Variants in COL16A1 observed in about 807,000 individuals in gnomAD.
COL16A1 encodes collagen type XVI alpha 1 chain.
Under a neutral mutation model 266.3 loss-of-function variants are expected in COL16A1, and 189 were observed. The ratio of observed to expected loss-of-function variants is 0.71; its 90% CI spans 0.63 to 0.80. The LOEUF (loss-of-function observed/expected upper bound fraction) is 0.80, where lower values mean the gene tolerates loss of function less well. Among genes scored for constraint, COL16A1 ranks in the 30% least tolerant of loss-of-function variants. The pLI, the probability that COL16A1 is intolerant of heterozygous loss-of-function variation, is 0.00. For synonymous variants in COL16A1, 740 were observed against 782.3 expected (o/e 0.95, Z 0.90); for missense variants, 1,928 against 2,122.4 (o/e 0.91, Z 1.80).
intron 68 of COL16A1, among the ~76,000 whole-genome samples, chr1:31,654,436 A>G (rs1640917892): frequency 6.6e-6 from 1 of 151,096 alleles, no homozygotes; most frequent in South Asian, 2.1e-4. Flanking sequence ...TGAACAAATG[A>G]ACAGAAAAAA....
At chr1:31,666,448 G>A in intron 52 of COL16A1, 1 of 292,302 alleles carries the variant, frequency 3.4e-6, no homozygotes, top group Non-Finnish European at 6.4e-6. Context: ...CCTGTGATCT[G>A]GCACCAGCCA....
intron 68 of COL16A1, 42 bp downstream of exon 68, chr1:31,654,749 AG>A (rs1640954701): frequency 2.5e-6 from 4 of 1,613,558 alleles, no homozygotes; most frequent in Non-Finnish European, 3.4e-6. Context: ...GTCACAAGGA[AG>A]GGCAGACAGC....
chr1:31,673,109 G>A (rs1057238854), intron 44 of COL16A1: 2 of 523,210 alleles, frequency 3.8e-6, no homozygotes, highest in Admixed American at 5.8e-5. Context: ...CATGTGGGTG[G>A]AGGCGAGGGG....
Position 31,695,745 on chromosome 1 carries a change from C to T in COL16A1, c.945+16G>A, listed in dbSNP as rs1037215989. On this transcript the variant is annotated intron_variant, in intron 10 of 70. Coordinates refer to ENST00000373672, the MANE Select transcript of COL16A1 (RefSeq NM_001856.4). ...TGCTGGCACCTCCCCTGCTGCCAGTCCACTGGGAGGCTTACCTCATCGGCT... is the reference window on the plus strand; with the variant it reads ...TGCTGGCACCTCCCCTGCTGCCAGTTCACTGGGAGGCTTACCTCATCGGCT... 1 of 1,613,322 alleles carries T rather than the reference C, an allele frequency of 6.2e-7. No homozygotes were observed. The highest frequency in any genetic ancestry group is 1.3e-5 in the African/African-American group (1 of 74,882).
intron 26 of COL16A1, among the ~76,000 whole-genome samples, chr1:31,686,789 A>G (rs1054399180): frequency 7.9e-5 from 12 of 152,274 alleles, no homozygotes; most frequent in African/African-American, 2.7e-4. Flanking sequence ...GAATAAGGTC[A>G]TCCAATGAAA....
At chr1:31,692,434 A>G in intron 16 of COL16A1, 40 bp downstream of exon 16, 1 of 1,592,332 alleles carries the variant, frequency 6.3e-7, no homozygotes. Flanking sequence ...GAGCCTGCAG[A>G]CCTCCCTGGA....
chr1:31,665,073 T>C (rs1642011202), intron 56 of COL16A1, 99 bp downstream of exon 56: 3 of 1,532,294 alleles, frequency 2.0e-6, no homozygotes, highest in Non-Finnish European at 1.8e-6. Flanking sequence ...ACTGGGTCAG[T>C]CTTGGAATTT....
intron 42 of COL16A1, chr1:31,679,361 G>A: frequency 5.4e-6 from 8 of 1,480,246 alleles, no homozygotes; most frequent in Admixed American, 2.2e-5. Context: ...TCTGTACCAG[G>A]GTAAGGGATT....
chr1:31,700,573 A>G (rs1242968963), intron 2 of COL16A1, among the ~76,000 whole-genome samples: 1 of 152,228 alleles, frequency 6.6e-6, no homozygotes, highest in African/African-American at 2.4e-5. Context: ...AAATGTCAGA[A>G]TCATGCACAT....
intron 49 of COL16A1, among the ~76,000 whole-genome samples, chr1:31,669,618 A>G (rs933656357): frequency 6.6e-6 from 1 of 151,830 alleles, no homozygotes; most frequent in Non-Finnish European, 1.5e-5. Context: ...AGAAACAGAC[A>G]AGGCCCGGCC....
In COL16A1 at chr1:31,657,085, A is replaced by C; in HGVS notation, c.4021-17T>G. 6.2e-7 allele frequency: 1 copy of C among 1,614,196 alleles called. No homozygotes were observed. Among genetic ancestry groups the C allele is most frequent in the Non-Finnish European group, 8.5e-7 (1 of 1,180,026 alleles). ...AGGTTCGCCCTGGGGAGTAGAGAGC[A>C]ATGGAGACATGAGGAGCTCCAACCC... On this transcript the variant is annotated splice_polypyrimidine_tract_variant and intron_variant, in intron 64 of 70. Coordinates refer to ENST00000373672, the MANE Select transcript of COL16A1 (RefSeq NM_001856.4). This position sits in a 1 kb window ranked among gnomAD's most constrained non-coding sequence, Gnocchi z 6.4.
chr1:31,691,665 G>A (rs1644275871), intron 17 of COL16A1, 23 bp from the exon 18 acceptor site: 2 of 1,611,006 alleles, frequency 1.2e-6, no homozygotes, highest in African/African-American at 1.3e-5. Context: ...AAGGGGGAGG[G>A]TGTACAAACA....
In COL16A1 at chr1:31,688,433, C is replaced by T. The variant is rs552152401; in HGVS notation, c.1803+34G>A. ...CCTCCCCTGCCTGCCTGCCAAGAAA[C>T]TCCAGTGTCCCTGACATCTAACCCA... On this transcript the variant is annotated intron_variant, in intron 26 of 70. Coordinates refer to ENST00000373672, the MANE Select transcript of COL16A1 (RefSeq NM_001856.4). The surrounding 1 kb of genome is among the most constrained non-coding windows in gnomAD (Gnocchi z 4.9). 11 of 1,613,864 alleles carry T rather than the reference C, an allele frequency of 6.8e-6. No individual in the cohort carries two copies. The South Asian group carries it at 1.1e-4, about 16-fold the overall frequency.
In COL16A1 at chr1:31,683,951, T is replaced by C; in HGVS notation, c.2336A>G (p.Gln779Arg). The change falls in exon 33 of 71, where the codon CAG becomes CGG. Residue 779 changes from glutamine to arginine, a missense_variant and splice_region_variant. Gln to Arg is a conservative substitution (Grantham distance 43). Transcript: ENST00000373672. ...VQGPPGLKGV[Q>R]GEPGPPGRGV... The stretch of plus-strand genomic sequence containing the variant: ...CAGGGCCCCAAGACTCACACATACC[T>C]GCACGCCCTTCAGTCCTGGGGGCCC... 3 of 1,614,042 alleles carry C rather than the reference T, an allele frequency of 1.9e-6. No individual in the cohort carries two copies. The highest frequency in any genetic ancestry group is 2.5e-6 in the Non-Finnish European group (3 of 1,179,960).
chr1:31,673,143 G>A (rs190525563), intron 44 of COL16A1: 36 of 441,968 alleles, frequency 8.1e-5, no homozygotes, highest in Middle Eastern at 6.7e-4. Flanking sequence ...CATCTGTCCC[G>A]GCTGTTCCTG....
chr1:31,678,862 C>T (rs1433138638), intron 42 of COL16A1, among the ~76,000 whole-genome samples: 2 of 152,170 alleles, frequency 1.3e-5, no homozygotes, highest in East Asian at 3.9e-4. Flanking sequence ...CTGCCTGCCT[C>T]TGGAATGTAC....
intron 56 of COL16A1, 94 bp downstream of exon 56, chr1:31,665,078 G>C: frequency 6.5e-7 from 1 of 1,546,954 alleles, no homozygotes; most frequent in Non-Finnish European, 8.7e-7. Flanking sequence ...GTCAGTCTTG[G>C]AATTTCCTGA....
chr1:31,701,375 G>A lies in COL16A1; in HGVS notation c.73+746C>T, dbSNP rs79143788. The A allele has an allele frequency of 5.1e-3, 5,066 of 985,332 alleles. 181 individuals carry two copies. In the African/African-American group the frequency reaches 0.083, roughly 16 times the overall value. 61.0% of individuals were successfully genotyped at this position (985,332 alleles called of 1,614,324 possible). ...ATATGTGCACATACAAGGGGCAGGC[G>A]GCCACACTCACCCTGGGTCCACAAT... is the stretch of plus-strand genomic sequence containing the variant. On this transcript the variant is annotated intron_variant, in intron 2 of 70. Coordinates refer to ENST00000373672, the MANE Select transcript of COL16A1 (RefSeq NM_001856.4).
In COL16A1 at chr1:31,662,674, G is replaced by GCCCCCCCCCCCC. The variant is rs71006318; in HGVS notation, c.3556-28_3556-17dup. The stretch of plus-strand genomic sequence containing the variant: ...CTTCGCTGCCCTGGAAACCAGCGCC[G>GCCCCCCCCCCCC]CCCCCCCCCCCCGCCCCACAATAAA... On this transcript the variant is annotated splice_polypyrimidine_tract_variant and intron_variant, in intron 56 of 70. Coordinates refer to ENST00000373672, the MANE Select transcript of COL16A1 (RefSeq NM_001856.4). The GCCCCCCCCCCCC allele has an allele frequency of 1.6e-6, 2 of 1,264,530 alleles. No homozygotes were observed. Among genetic ancestry groups the GCCCCCCCCCCCC allele is most frequent in the Admixed American group, 2.7e-5 (1 of 37,034 alleles). The allele number at this position is 1,264,530 out of a possible 1,614,324, so 78.3% of individuals were successfully genotyped here.
Sources: allele counts gnomAD v4.1 joint callset (sites outside exome capture counted in the v4.1 genomes callset), GRCh38; gene constraint gnomAD v4.1.1; non-coding constraint Gnocchi (gnomAD v3.1); transcripts MANE v1.5; gene names NCBI Gene and HGNC (gene_info 2026-07-23, HGNC 2026-07-21).